The following NOC2L variants were observed in gnomAD, a reference collection of about 807,000 sequenced individuals.
NOC2L encodes the protein NOC2 like nucleolar associated transcriptional repressor, also known as nucleolar complex protein 2 homolog.
Under a neutral mutation model 94.2 loss-of-function variants are expected in NOC2L, and 101 were observed. The observed-to-expected ratio is 1.07, with a 90% CI of 0.91 to 1.26. The LOEUF is 1.26. Ranked by LOEUF, NOC2L falls within the 50% of genes most tolerant of loss-of-function variation. The pLI is 0.00. For missense variants in NOC2L, 1,076 were observed against 980.1 expected, an observed-to-expected ratio of 1.10 and a Z score of -1.31; for synonymous variants, 531 against 413.4, an observed-to-expected ratio of 1.28 and a Z score of -3.45.
intron 4 of NOC2L, 98 bp from the exon 5 acceptor site, chr1:956,313 C>A: frequency 1.4e-6 from 2 of 1,439,116 alleles, no homozygotes; most frequent in South Asian, 1.2e-5. Flanking sequence ...CACCCTCACC[C>A]TCAGACATAG....
chr1:945,136 C>T lies in NOC2L; in HGVS notation c.2064G>A (p.Arg688=). The change falls in exon 18 of 19, where the codon AGG becomes AGA. Residue 688 remains arginine, a synonymous_variant. Coordinates refer to ENST00000327044, the MANE Select transcript of NOC2L (RefSeq NM_015658.4). ...CCACCCCATGCCGAGTGCTCAGGGG[C>T]CTCAGTATCCCTGAGGAACAAGAAG... ...TEGFSERGIL[R]PLSTRHGVED... 1 of 1,606,574 alleles carries T rather than the reference C, an allele frequency of 6.2e-7. No individual in the cohort carries two copies. Among genetic ancestry groups the T allele is most frequent in the Non-Finnish European group, 8.5e-7 (1 of 1,176,380 alleles).
chr1:953,666 G>T, intron 8 of NOC2L, 116 bp downstream of exon 8: 2 of 772,614 alleles, frequency 2.6e-6, no homozygotes, highest in East Asian at 2.7e-5. Flanking sequence ...CTAGCCAAGC[G>T]GAGCCAGTGG....
At chr1:949,046 A>AACAGCAAAG (rs5772022) in intron 12 of NOC2L, among the ~76,000 whole-genome samples, 132,824 of 151,454 alleles carry the variant, frequency 0.88, 58,923 homozygotes, top group Non-Finnish European at 0.94. Flanking sequence ...ACGCAGCAGC[A>AACAGCAAAG]ACAGCAAAGA....
intron 2 of NOC2L, chr1:958,030 C>T (rs1317999812): frequency 6.6e-6 from 1 of 151,312 alleles, no homozygotes; most frequent in Non-Finnish European, 1.5e-5. Flanking sequence ...GGTCTTTATT[C>T]AGACGTCATC....
In NOC2L at chr1:944,228, CGCTT is replaced by C; in HGVS notation, c.*462_*465del. The C allele has an allele frequency of 6.9e-7, 1 of 1,458,160 alleles. No homozygotes were observed. The highest frequency in any genetic ancestry group is 9.0e-7 in the Non-Finnish European group (1 of 1,106,038). The allele number at this position is 1,458,160 out of a possible 1,614,324, so 90.3% of individuals were successfully genotyped here. On this transcript the variant is annotated 3_prime_UTR_variant, in exon 19 of 19. Transcript: ENST00000327044. Reference sequence around the variant, plus strand: ...TCAACACAATGGCCCTGCCTCCCACCGCTTTATTTCTTTCGGTTTCGGATGCAAA... The same window carrying C: ...TCAACACAATGGCCCTGCCTCCCACCTATTTCTTTCGGTTTCGGATGCAAA...
chr1:952,901 C>T (rs2100390046), intron 9 of NOC2L, among the ~76,000 whole-genome samples: 1 of 152,332 alleles, frequency 6.6e-6, no homozygotes, highest in Non-Finnish European at 1.5e-5. Context: ...CAGGTCCCAA[C>T]ACCCAGTGTC....
intron 12 of NOC2L, among the ~76,000 whole-genome samples, chr1:950,458 T>A (rs1434734588): frequency 6.6e-6 from 1 of 151,440 alleles, no homozygotes; most frequent in African/African-American, 2.4e-5. Flanking sequence ...TACACACGCA[T>A]GTGCATGCAT....
In NOC2L at chr1:955,066, C is replaced by T. The variant is rs72891142; in HGVS notation, c.698+857G>A. On this transcript the variant is annotated intron_variant, in intron 6 of 18. Coordinates refer to ENST00000327044, the MANE Select transcript of NOC2L (RefSeq NM_015658.4). Reference sequence around the variant, plus strand: ...CTGCTCCCCACGGCCTGACTCCCTCCGGTACAGCTGCTGCCTCGACAGGGG... The same window carrying T: ...CTGCTCCCCACGGCCTGACTCCCTCTGGTACAGCTGCTGCCTCGACAGGGG... Among the ~76,000 whole-genome samples the T allele has an allele frequency of 3.8e-3, 583 of 152,344 alleles. 8 individuals are homozygous for T. The highest frequency in any genetic ancestry group is 0.013 in the African/African-American group (559 of 41,580).
chr1:958,683 G>C (rs1569959814), intron 2 of NOC2L: 2 of 686,334 alleles, frequency 2.9e-6, no homozygotes, highest in East Asian at 5.6e-5. Flanking sequence ...GAACGTGAGA[G>C]TTCTCCTAGA....
chr1:957,471 C>A, intron 2 of NOC2L, 198 bp from the exon 3 acceptor site: 1 of 591,932 alleles, frequency 1.7e-6, no homozygotes, highest in Non-Finnish European at 3.0e-6. Context: ...ACACAGGCCC[C>A]CCAGCCGCGG....
chr1:950,989 G>A, intron 12 of NOC2L, 138 bp downstream of exon 12: 2 of 702,364 alleles, frequency 2.8e-6, no homozygotes, highest in South Asian at 1.6e-5. Context: ...GAGGAGCACT[G>A]TCCTCGTGAC....
chr1:958,651 T>C, intron 2 of NOC2L: 1 of 650,518 alleles, frequency 1.5e-6, no homozygotes. Context: ...TCTACCGAAC[T>C]GCAGGCGGTG....
At chr1:945,492 C>T in intron 17 of NOC2L, 26 bp downstream of exon 17, 1 of 1,612,402 alleles carries the variant, frequency 6.2e-7, no homozygotes, top group African/African-American at 1.3e-5. Flanking sequence ...CCCACCCTTC[C>T]CCTGGGAGCA....
At chr1:946,331 AC>A in intron 15 of NOC2L, 45 bp from the exon 16 acceptor site, 1 of 1,611,312 alleles carries the variant, frequency 6.2e-7, no homozygotes, top group Non-Finnish European at 8.5e-7. Flanking sequence ...CCCTGGGCAA[AC>A]CCCCACATGT....
Position 952,561 on chromosome 1 carries a change from A to G in NOC2L, c.1042T>C (p.Ser348Pro), listed in dbSNP as rs942679767. ...CTGATGAAGGGGAGGGCACCAGGCG[A>G]GGTGAACTTGCAGTTCCTCACATAC... ...ITYVRNCKFT[S>P]PGALPFISFM... Residue 348 changes from serine (S) to proline (P), a missense_variant, in exon 10 of 19, where the codon TCG (serine) becomes CCG (proline). Ser to Pro is a moderately conservative substitution (Grantham distance 74). Around this residue, in one of 3 missense-constraint regions of NOC2L, gnomAD observed 615 missense variants for 577.4 expected, o/e 1.07. Transcript: ENST00000327044. 2.5e-6 allele frequency: 4 copies of G among 1,613,748 alleles called. No individual in the cohort carries two copies. The highest frequency in any genetic ancestry group is 3.4e-6 in the Non-Finnish European group (4 of 1,180,020).
At position 944,751 on chromosome 1, in the gene NOC2L, C is replaced by T. The variant is rs1033710701; in HGVS notation, c.2193G>A (p.Gln731=). 7 of 1,600,320 alleles carry T rather than the reference C, an allele frequency of 4.4e-6. No individual in the cohort carries two copies. The African/African-American group carries it at 8.0e-5, about 18-fold the overall frequency. ...EAGLAPGELQ[Q]LAQGPEDELE... ...GCTCGTCCTCCGGCCCCTGGGCCAG[C>T]TGCTGCAGCTCCCCAGGGGCCAGCC... is the stretch of plus-strand genomic sequence containing the variant. The change falls in exon 19 of 19, where the codon CAG becomes CAA. Residue 731 remains glutamine (Q), a synonymous_variant. Transcript: ENST00000327044.
Position 957,045 on chromosome 1 carries a change from T to C in NOC2L, c.355-20A>G, listed in dbSNP as rs372810011. 1 of 1,614,074 alleles carries C rather than the reference T, an allele frequency of 6.2e-7. No homozygotes were observed. The highest frequency in any genetic ancestry group is 8.5e-7 in the Non-Finnish European group (1 of 1,180,030). ...GGCTTCCTGCACAGAAAGGCTGAGC[T>C]GAAGGAGAGTGTAGAGACAAGTGCC... On this transcript the variant is annotated intron_variant, in intron 3 of 18. Transcript: ENST00000327044.
At chr1:949,183 G>A (rs1041044630) in intron 12 of NOC2L, among the ~76,000 whole-genome samples, 17 of 152,190 alleles carry the variant, frequency 1.1e-4, no homozygotes, top group Non-Finnish European at 2.2e-4. Flanking sequence ...GAAAGAGTCA[G>A]CCTGGCCTCT....
intron 18 of NOC2L, 68 bp from the exon 19 acceptor site, chr1:944,868 C>A: frequency 7.7e-7 from 1 of 1,295,600 alleles, no homozygotes; most frequent in South Asian, 1.3e-5. Context: ...AGAGGTTACT[C>A]ATCACTAATT....
Sources: allele counts gnomAD v4.1 joint callset (sites outside exome capture counted in the v4.1 genomes callset), GRCh38; gene constraint gnomAD v4.1.1; regional missense constraint gnomAD v4.1.1; transcripts MANE v1.5; gene names NCBI Gene and HGNC (gene_info 2026-07-23, HGNC 2026-07-21).